The following GPR158 variants were observed in gnomAD, a reference collection of about 807,000 sequenced individuals.
The protein encoded by GPR158 is G protein-coupled receptor 158.
Under a neutral mutation model 78.2 loss-of-function variants are expected in GPR158, and 30 were observed. The observed-to-expected ratio is 0.38, with a 90% CI of 0.29 to 0.52. The LOEUF (loss-of-function observed/expected upper bound fraction) is 0.52. Among genes scored for constraint, GPR158 ranks in the 20% least tolerant of loss-of-function variants. The pLI is 0.83. For missense variants in GPR158, 1,463 were observed against 1,523.5 expected (o/e 0.96, Z 0.66); for synonymous variants, 581 against 591.1 (o/e 0.98, Z 0.25).
intron 1 of GPR158, among the ~76,000 whole-genome samples, chr10:25,217,579 A>AATTTCAGGC (rs1441431149): frequency 3.3e-5 from 5 of 152,304 alleles, no homozygotes; most frequent in African/African-American, 1.2e-4. Flanking sequence ...AATTTGTTTA[A>AATTTCAGGC]CCCGTGAAAG....
chr10:25,340,954 C>T (rs983202281), intron 2 of GPR158, among the ~76,000 whole-genome samples: 1 of 151,756 alleles, frequency 6.6e-6, no homozygotes, highest in East Asian at 1.9e-4. Flanking sequence ...AAACCAAATA[C>T]AATTTTTTTT....
chr10:25,528,072 G>T (rs930457062), intron 5 of GPR158, among the ~76,000 whole-genome samples: 1 of 151,866 alleles, frequency 6.6e-6, no homozygotes. Context: ...TATAGACAAA[G>T]ATATCTTTAG....
Position 25,459,765 on chromosome 10 carries a change from A to C in GPR158, c.1336-6886A>C, listed in dbSNP as rs368287200. ...TTCATCTTATGCTTCTATACTTGGC[A>C]TCCAAACATGGAATTTAGAAATTGA... On this transcript the variant is annotated intron_variant, in intron 4 of 10. Coordinates refer to ENST00000376351, the MANE Select transcript of GPR158 (RefSeq NM_020752.3). Among the ~76,000 whole-genome samples the C allele has an allele frequency of 7.9e-4, 120 of 152,292 alleles. 3 individuals carry two copies. In the South Asian group the frequency reaches 0.024, roughly 30 times the overall value.
intron 1 of GPR158, among the ~76,000 whole-genome samples, chr10:25,187,935 T>G (rs184709152): frequency 0.013 from 1,916 of 152,234 alleles, 40 homozygotes; most frequent in African/African-American, 0.044. Context: ...TTCAGCAAAG[T>G]CTCAGGATAC....
chr10:25,506,512 A>G (rs1471173347), intron 5 of GPR158, among the ~76,000 whole-genome samples: 1 of 152,222 alleles, frequency 6.6e-6, no homozygotes, highest in Non-Finnish European at 1.5e-5. Flanking sequence ...TTTTGTTGAA[A>G]CAATAGGCAC....
In GPR158 at chr10:25,462,551, C is replaced by T. The variant is rs185166749; in HGVS notation, c.1336-4100C>T. Among the ~76,000 whole-genome samples the T allele has an allele frequency of 2.6e-5, 4 of 152,232 alleles. No homozygotes were observed. The East Asian group carries it at 5.8e-4, about 22-fold the overall frequency. ...AGATCTGGGCAAAGTAAACTGAAAA[C>T]CTCTGGAAAGGATTCACCATTCTAG... On this transcript the variant is annotated intron_variant, in intron 4 of 10. Coordinates refer to ENST00000376351, the MANE Select transcript of GPR158 (RefSeq NM_020752.3).
intron 3 of GPR158, among the ~76,000 whole-genome samples, chr10:25,411,334 C>A (rs937467503): frequency 1.3e-5 from 2 of 152,114 alleles, no homozygotes; most frequent in African/African-American, 2.4e-5. Context: ...ATAGACTGTA[C>A]TCTGGGCAAA....
intron 2 of GPR158, among the ~76,000 whole-genome samples, chr10:25,379,665 T>TC (rs1554798723): frequency 3.3e-5 from 5 of 150,206 alleles, no homozygotes; most frequent in South Asian, 2.1e-4. Flanking sequence ...TTTTTTTTTT[T>TC]CTGTACTTCC....
chr10:25,186,538 G>A (rs1271998718), intron 1 of GPR158, among the ~76,000 whole-genome samples: 1 of 151,996 alleles, frequency 6.6e-6, no homozygotes, highest in African/African-American at 2.4e-5. Flanking sequence ...TGATAAAGGG[G>A]TTATCACCAC....
intron 7 of GPR158, among the ~76,000 whole-genome samples, chr10:25,586,212 G>A (rs1369488681): frequency 6.6e-6 from 1 of 152,028 alleles, no homozygotes; most frequent in African/African-American, 2.4e-5. Flanking sequence ...CTGACCCGAA[G>A]GCCAGAGACC....
At position 25,176,466 on chromosome 10, in the gene GPR158, A is replaced by G. The variant is rs2130622035; in HGVS notation, c.902+144A>G. ...AGAGTAGAGACCCGGGCTGAGGGAC[A>G]CCCCACGCGGGCGCGGGTGCTTGGG... is the stretch of plus-strand genomic sequence containing the variant. On this transcript the variant is annotated intron_variant, in intron 1 of 10. Transcript: ENST00000376351. The surrounding 1 kb of genome is among the most constrained non-coding windows in gnomAD (Gnocchi z 6.3). 1 of 687,978 alleles carries G rather than the reference A, an allele frequency of 1.5e-6. No homozygotes were observed. The highest frequency in any genetic ancestry group is 2.4e-5 in the South Asian group (1 of 41,890). 42.6% of individuals were successfully genotyped at this position (687,978 alleles called of 1,614,324 possible).
At chr10:25,384,261 A>T (rs1171840891) in intron 2 of GPR158, among the ~76,000 whole-genome samples, 1 of 152,156 alleles carries the variant, frequency 6.6e-6, no homozygotes, top group African/African-American at 2.4e-5. Context: ...AGCTCAAAAT[A>T]AAGAATAAAA....
intron 2 of GPR158, among the ~76,000 whole-genome samples, chr10:25,390,874 C>T (rs1392283877): frequency 1.3e-5 from 2 of 152,212 alleles, no homozygotes; most frequent in South Asian, 2.1e-4. Context: ...GGCAGTCCCT[C>T]CCATCACAGG....
At chr10:25,456,884 T>A (rs1005534704) in intron 4 of GPR158, among the ~76,000 whole-genome samples, 2 of 152,312 alleles carry the variant, frequency 1.3e-5, no homozygotes, top group South Asian at 4.1e-4. Flanking sequence ...TTTTTAAATA[T>A]CTAATAATCT....
intron 1 of GPR158, among the ~76,000 whole-genome samples, chr10:25,191,962 C>T (rs1852776692): frequency 1.3e-5 from 2 of 152,114 alleles, no homozygotes; most frequent in Admixed American, 1.3e-4. Context: ...TCCTGTTTCC[C>T]AAAGAGTTCT....
intron 2 of GPR158, among the ~76,000 whole-genome samples, chr10:25,255,578 G>A (rs1396948593): frequency 6.6e-6 from 1 of 152,122 alleles, no homozygotes; most frequent in Non-Finnish European, 1.5e-5. Context: ...TTATAGGATG[G>A]AGATCCCTGT....
In GPR158 at chr10:25,347,897, T is replaced by C. The variant is rs190661993; in HGVS notation, c.1009-48014T>C. Among the ~76,000 whole-genome samples, 7 of 152,074 alleles carry C rather than the reference T, an allele frequency of 4.6e-5. No homozygotes were observed. In the East Asian group the frequency reaches 1.2e-3, roughly 25 times the overall value. On this transcript the variant is annotated intron_variant, in intron 2 of 10. Transcript: ENST00000376351. ...TAGAGATCATGCCAGTGTAAGAAGC[T>C]CAGTTCATTATTTTACTCCATCATG... is the stretch of plus-strand genomic sequence containing the variant.
chr10:25,374,277 A>G (rs1834044750), intron 2 of GPR158, among the ~76,000 whole-genome samples: 3 of 151,426 alleles, frequency 2.0e-5, no homozygotes, highest in African/African-American at 7.3e-5. Context: ...TTATCAATTC[A>G]TGGAAAGTTG....
At chr10:25,523,711 A>T (rs1836308945) in intron 5 of GPR158, among the ~76,000 whole-genome samples, 1 of 152,192 alleles carries the variant, frequency 6.6e-6, no homozygotes. Flanking sequence ...AACAGTATAA[A>T]CCAACTAGAC....
Sources: gnomAD v4.1 joint callset for allele counts (sites outside exome capture counted in the v4.1 genomes callset) on GRCh38, gnomAD v4.1.1 for gene constraint, Gnocchi (gnomAD v3.1) non-coding constraint, MANE v1.5 for transcripts, NCBI Gene and HGNC (gene_info 2026-07-23, HGNC 2026-07-21) for gene names.